KIF17: variants seen among roughly 807,000 people sequenced by gnomAD.
KIF17 encodes kinesin family member 17, also known as kinesin-like protein KIF17.
In KIF17, 80 loss-of-function variants were observed where a neutral mutation model predicts 96.8. That is an observed-to-expected ratio of 0.83 (90% CI 0.69 to 1.00). KIF17 has a LOEUF of 1.00. KIF17 is among the 50% of genes least tolerant of loss of function. The probability of loss-of-function intolerance (pLI) is 0.00; values close to 1 mark genes in which losing one functional copy is unlikely to be tolerated. For missense variants in KIF17, 1,280 were observed against 1,372.9 expected, an observed-to-expected ratio of 0.93 and a Z score of 1.07; for synonymous variants, 567 against 587.5, an observed-to-expected ratio of 0.97 and a Z score of 0.51.
In KIF17 at chr1:20,708,995, C is replaced by T. The variant is rs561411782; in HGVS notation, c.670+644G>A. ...TAGAAGCCAGGCTCTGACACTAGTT[C>T]CTAGTTGTGTGGCCTCAATTTCTTC... On this transcript the variant is annotated intron_variant, in intron 4 of 14. Coordinates refer to ENST00000400463, the MANE Select transcript of KIF17 (RefSeq NM_001122819.3). Among the ~76,000 whole-genome samples the T allele has an allele frequency of 4.1e-3, 623 of 152,260 alleles. 9 individuals carry two copies. The highest frequency in any genetic ancestry group is 0.013 in the African/African-American group (545 of 41,542).
chr1:20,662,112 C>T (rs1009301680), downstream of KIF17, among the ~76,000 whole-genome samples: 8 of 152,262 alleles, frequency 5.3e-5, no homozygotes, highest in African/African-American at 1.7e-4. Context: ...TCCAGCTCCG[C>T]TGTTTATCTG....
At chr1:20,669,460 T>C (rs817779) in intron 13 of KIF17, among the ~76,000 whole-genome samples, 115,666 of 149,970 alleles carry the variant, frequency 0.77, 44,889 homozygotes, top group Middle Eastern at 0.87. Context: ...TGGCTGAACC[T>C]GGGAGGCAGA....
intron 13 of KIF17, among the ~76,000 whole-genome samples, chr1:20,668,182 C>T (rs2053562239): frequency 6.6e-6 from 1 of 150,730 alleles, no homozygotes; most frequent in African/African-American, 2.4e-5. Context: ...TGGTGGCAGG[C>T]ACCTGTAGTC....
At chr1:20,693,234 T>C (rs924202829) in intron 6 of KIF17, 3 of 151,278 alleles carry the variant, frequency 2.0e-5, no homozygotes, top group African/African-American at 7.3e-5. Context: ...CCTTGGATGA[T>C]TACGTCCTCA....
At chr1:20,692,011 CCT>C (rs1299792150) in intron 6 of KIF17, among the ~76,000 whole-genome samples, 1 of 152,208 alleles carries the variant, frequency 6.6e-6, no homozygotes, top group Non-Finnish European at 1.5e-5. Context: ...CTGGCCCCAA[CCT>C]CTCTCTGACA....
chr1:20,709,247 G>C lies in KIF17; in HGVS notation c.670+392C>G, dbSNP rs535089024. ...CTCTACAAAAAATTAGCCAGGCATG[G>C]TGGTGTGCATGTAGTCCCAGCTGCT... is the stretch of plus-strand genomic sequence containing the variant. On this transcript the variant is annotated intron_variant, in intron 4 of 14. Transcript: ENST00000400463. This position sits in a 1 kb window ranked among gnomAD's most constrained non-coding sequence, Gnocchi z 4.7. 2.8e-4 allele frequency among the ~76,000 whole-genome samples: 42 copies of C among 152,310 alleles called. No homozygotes were observed. The highest frequency in any genetic ancestry group is 3.4e-3 in the Middle Eastern group (1 of 294).
intron 13 of KIF17, among the ~76,000 whole-genome samples, chr1:20,669,893 A>C (rs1331024481): frequency 2.8e-4 from 40 of 140,968 alleles, no homozygotes; most frequent in South Asian, 1.8e-3. Flanking sequence ...AAAAAAAAAA[A>C]AAAAAAAAAA....
intron 12 of KIF17, among the ~76,000 whole-genome samples, chr1:20,670,913 G>A (rs1327428007): frequency 3.3e-5 from 5 of 152,204 alleles, no homozygotes; most frequent in Admixed American, 2.0e-4. Context: ...TCAGGTCCAC[G>A]GCTGGAGAAA....
At position 20,717,827 on chromosome 1, in the gene KIF17, G is replaced by A. The variant is rs978305466; in HGVS notation, c.-121C>T. 1 of 1,018,222 alleles carries A rather than the reference G, an allele frequency of 9.8e-7. No homozygotes were observed. The highest frequency in any genetic ancestry group is 1.9e-5 in the African/African-American group (1 of 53,146). 63.1% of individuals were successfully genotyped at this position (1,018,222 alleles called of 1,614,324 possible). ...CGGGGGGCGGGGCCTTGAGGCAGGG[G>A]CGGGGCCGCGGCGGGGGGCGGGGAC... On this transcript the variant is annotated 5_prime_UTR_variant, in exon 1 of 15. Transcript: ENST00000400463.
chr1:20,679,493 AAAT>A (rs1316625992), intron 11 of KIF17, among the ~76,000 whole-genome samples: 1 of 152,130 alleles, frequency 6.6e-6, no homozygotes, highest in Admixed American at 6.6e-5. Flanking sequence ...ATAAAATGAA[AAAT>A]AAAAATAAAA....
At chr1:20,695,249 G>T (rs1172326141) in intron 6 of KIF17, among the ~76,000 whole-genome samples, 1 of 151,860 alleles carries the variant, frequency 6.6e-6, no homozygotes. Context: ...GTGCAGTGGC[G>T]CCATCTCGGC....
chr1:20,686,348 T>A (rs2053938665), intron 8 of KIF17: 1 of 607,528 alleles, frequency 1.6e-6, no homozygotes, highest in South Asian at 1.9e-5. Flanking sequence ...GGGCACCTGC[T>A]GTGTGCCAGG....
chr1:20,698,068 C>A (rs1303391919), intron 6 of KIF17, among the ~76,000 whole-genome samples: 1 of 152,226 alleles, frequency 6.6e-6, no homozygotes, highest in Non-Finnish European at 1.5e-5. Flanking sequence ...CACAGCCACC[C>A]CTTCCTTCAA....
Position 20,698,474 on chromosome 1 carries a change from G to T in KIF17, c.1138C>A (p.Gln380Lys). The T allele has an allele frequency of 1.2e-6, 2 of 1,612,772 alleles. No homozygotes were observed. The highest frequency in any genetic ancestry group is 1.7e-5 in the Admixed American group (1 of 60,020). The change falls in exon 6 of 15, where the codon CAG (glutamine) becomes AAG (lysine). Residue 380 changes from glutamine to lysine, a missense_variant. Coordinates refer to ENST00000400463, the MANE Select transcript of KIF17 (RefSeq NM_001122819.3). ...ACCTGCACAGGGTCTGGGGGCACCT[G>T]CCTGGACAGCAGGGCTGGGGGAGAA... ...PSSLSALLSRQVPPDPVQVEE... is the reference protein window; with the variant it reads ...PSSLSALLSRKVPPDPVQVEE...
chr1:20,708,077 A>G (rs1190671090), intron 4 of KIF17, among the ~76,000 whole-genome samples: 1 of 151,988 alleles, frequency 6.6e-6, no homozygotes, highest in African/African-American at 2.4e-5. Context: ...ATCCTCCTGC[A>G]AAGACCAAGA....
At chr1:20,690,755 C>T (rs910063813) in intron 6 of KIF17, among the ~76,000 whole-genome samples, 9 of 151,658 alleles carry the variant, frequency 5.9e-5, no homozygotes, top group African/African-American at 1.9e-4. Context: ...GGCGCCATCT[C>T]GGCTCACTGC....
In KIF17 at chr1:20,687,482, G is replaced by A. The variant is rs1158816257; in HGVS notation, c.1844C>T (p.Pro615Leu). 9.9e-6 allele frequency: 16 copies of A among 1,613,822 alleles called. No individual in the cohort carries two copies. Among genetic ancestry groups the A allele is most frequent in the South Asian group, 3.3e-5 (3 of 91,082 alleles). The change falls in exon 8 of 15, where the codon CCG becomes CTG. Residue 615 changes from proline (P) to leucine (L), a missense_variant. Transcript: ENST00000400463. The surrounding 1 kb of genome is among the most constrained non-coding windows in gnomAD (Gnocchi z 4.4). ...CAGCTTGGCTTCCACCTCGGCAAACGGGTCCTGCAGGCCTAGTAACCCCTG... is the reference window on the plus strand; with the variant it reads ...CAGCTTGGCTTCCACCTCGGCAAACAGGTCCTGCAGGCCTAGTAACCCCTG... Reference protein sequence around the residue: ...PLQGLLGLQDPFAEVEAKLAR... With the variant: ...PLQGLLGLQDLFAEVEAKLAR...
At chr1:20,671,569 A>C (rs1338691108) in intron 12 of KIF17, among the ~76,000 whole-genome samples, 2 of 152,080 alleles carry the variant, frequency 1.3e-5, no homozygotes, top group Non-Finnish European at 2.9e-5. Context: ...TCCTGGACTC[A>C]AGCAATCTGC....
At chr1:20,712,547 G>GATATTATCTATATTATATATATAAATA (rs2054457254) in intron 3 of KIF17, among the ~76,000 whole-genome samples, 1 of 68,316 alleles carries the variant, frequency 1.5e-5, no homozygotes, top group Non-Finnish European at 3.7e-5. Context: ...CTATATTATA[G>GATATTATCTATATTATATATATAAATA]ATATTATCTA....
Sources: allele counts gnomAD v4.1 joint callset (sites outside exome capture counted in the v4.1 genomes callset), GRCh38; gene constraint gnomAD v4.1.1; non-coding constraint Gnocchi (gnomAD v3.1); transcripts MANE v1.5; gene names NCBI Gene and HGNC (gene_info 2026-07-23, HGNC 2026-07-21).